Variants in NR5A2 observed in about 807,000 individuals in gnomAD.
The protein encoded by NR5A2 is nuclear receptor subfamily 5 group A member 2.
In NR5A2, 26 loss-of-function variants were observed where a neutral mutation model predicts 62.7. The observed-to-expected ratio is 0.41, with a 90% CI of 0.30 to 0.58. The LOEUF is 0.58. NR5A2 is among the 20% of genes least tolerant of loss of function. The probability of loss-of-function intolerance (pLI) is 0.22; values close to 1 mark genes in which losing one functional copy is unlikely to be tolerated. For synonymous variants in NR5A2, 246 were observed against 241.7 expected (o/e 1.02, Z -0.16); for missense variants, 541 against 669.1 (o/e 0.81, Z 2.11).
chr1:200,120,732 C>A, intron 6 of NR5A2, 76 bp from the exon 7 acceptor site: 2 of 1,407,952 alleles, frequency 1.4e-6, no homozygotes, highest in South Asian at 1.5e-5. Flanking sequence ...CTGATTTTAC[C>A]CATAGTTCTT....
In NR5A2 at chr1:200,048,114, T is replaced by G. The variant is rs1662458951; in HGVS notation, c.464-58T>G. ...ACATTTCTAAATATCTGAAGAATGCTAATAATTTGCACCTTATTTATACCT... is the reference window on the plus strand; with the variant it reads ...ACATTTCTAAATATCTGAAGAATGCGAATAATTTGCACCTTATTTATACCT... On this transcript the variant is annotated intron_variant, in intron 4 of 7. Coordinates refer to ENST00000367362, the MANE Select transcript of NR5A2 (RefSeq NM_205860.3). The surrounding 1 kb of genome is among the most constrained non-coding windows in gnomAD (Gnocchi z 4.8). 7.0e-7 allele frequency: 1 copy of G among 1,427,286 alleles called. No individual in the cohort carries two copies. Among genetic ancestry groups the G allele is most frequent in the Non-Finnish European group, 9.5e-7 (1 of 1,049,196 alleles). 88.4% of individuals were successfully genotyped at this position (1,427,286 alleles called of 1,614,324 possible). A position where few individuals can be genotyped will look rare whatever the true frequency, so the allele number is the denominator to read the frequency against.
intron 5 of NR5A2, among the ~76,000 whole-genome samples, chr1:200,092,999 T>C (rs952935745): frequency 7.5e-5 from 11 of 147,442 alleles, no homozygotes; most frequent in African/African-American, 2.7e-4. Context: ...TTCTCCTGCC[T>C]CAGCCTCCTG....
intron 5 of NR5A2, among the ~76,000 whole-genome samples, chr1:200,106,867 C>T (rs1478349257): frequency 6.6e-6 from 1 of 152,204 alleles, no homozygotes; most frequent in Non-Finnish European, 1.5e-5. Flanking sequence ...CATAGAGCTG[C>T]GTAAAAACTA....
chr1:200,066,367 T>G (rs2102206313), intron 5 of NR5A2, among the ~76,000 whole-genome samples: 1 of 150,258 alleles, frequency 6.7e-6, no homozygotes, highest in East Asian at 1.9e-4. Flanking sequence ...TAGGGGAAAA[T>G]CCTGCACATG....
intron 5 of NR5A2, 35 bp from the exon 6 acceptor site, chr1:200,111,166 GT>G (rs750188465): frequency 2.7e-5 from 43 of 1,590,910 alleles, no homozygotes; most frequent in Middle Eastern, 3.4e-4. Context: ...GTCATTTTTT[GT>G]TTTTTTTGTT....
Position 200,177,408 on chromosome 1 carries a change from C to A in NR5A2, c.*3198C>A, listed in dbSNP as rs951097549. 1 of 152,352 alleles carries A rather than the reference C, an allele frequency of 6.6e-6. No individual in the cohort carries two copies. The highest frequency in any genetic ancestry group is 1.5e-5 in the Non-Finnish European group (1 of 67,982). 9.4% of individuals were successfully genotyped at this position (152,352 alleles called of 1,614,324 possible). On this transcript the variant is annotated 3_prime_UTR_variant, in exon 8 of 8. Transcript: ENST00000367362. ...TTTCAATAAATATTGATATGCCCAG[C>A]CTGATAATTTTTAAAAGTTTTTATG...
At position 200,054,356 on chromosome 1, in the gene NR5A2, TCA is replaced by T. The variant is rs202205229; in HGVS notation, c.1110+5539_1110+5540del. ...GAGTCAAGAAGATTGGCTTTTTTTT[TCA>T]GTTATTTTTTTTTTCACCTGTGTCT... On this transcript the variant is annotated intron_variant, in intron 5 of 7. Coordinates refer to ENST00000367362, the MANE Select transcript of NR5A2 (RefSeq NM_205860.3). Among the ~76,000 whole-genome samples the T allele has an allele frequency of 5.0e-4, 74 of 149,202 alleles. 1 individual carries two copies. In the East Asian group the frequency reaches 0.013, roughly 27 times the overall value.
chr1:200,103,217 AG>A (rs771619726), intron 5 of NR5A2, among the ~76,000 whole-genome samples: 25 of 138,728 alleles, frequency 1.8e-4, no homozygotes, highest in Non-Finnish European at 3.2e-4. Flanking sequence ...TCTGCTTCCC[AG>A]GTTCAAGCAA....
rs760197431 is a variant in NR5A2 at position 200,050,894 on chromosome 1, A to AAAAT, written c.1110+2093_1110+2096dup. On this transcript the variant is annotated intron_variant, in intron 5 of 7. Transcript: ENST00000367362. ...GTGACAAGAGCGAAACTCCATCTCA[A>AAAAT]AAATAAATAAATAAATAAATTGATG... 7.9e-5 allele frequency among the ~76,000 whole-genome samples: 12 copies of AAAAT among 152,334 alleles called. No individual in the cohort carries two copies. In the South Asian group the frequency reaches 8.3e-4, roughly 11 times the overall value.
chr1:200,104,844 G>A (rs1397299666), intron 5 of NR5A2, among the ~76,000 whole-genome samples: 1 of 152,090 alleles, frequency 6.6e-6, no homozygotes, highest in African/African-American at 2.4e-5. Context: ...TGTATTTTTA[G>A]TAGAGATGGA....
chr1:200,065,952 T>C (rs1046111901), intron 5 of NR5A2, among the ~76,000 whole-genome samples: 3 of 152,064 alleles, frequency 2.0e-5, no homozygotes, highest in Admixed American at 2.0e-4. Flanking sequence ...GTGGGGGAAA[T>C]AGGGCTCTTG....
intron 5 of NR5A2, among the ~76,000 whole-genome samples, chr1:200,073,237 T>TAC (rs1663823488): frequency 2.4e-5 from 1 of 40,866 alleles, no homozygotes; most frequent in Admixed American, 2.8e-4. Flanking sequence ...TTTACATACA[T>TAC]ATATATATAT....
intron 5 of NR5A2, among the ~76,000 whole-genome samples, chr1:200,066,605 T>TTTTTTTTTTTTTTTTTTTTA (rs71132651): frequency 6.7e-6 from 1 of 148,500 alleles, no homozygotes; most frequent in African/African-American, 2.5e-5. Flanking sequence ...TTTTTTTTTT[T>TTTTTTTTTTTTTTTTTTTTA]GAGAGGGAGT....
chr1:200,096,170 C>A (rs1328323703), intron 5 of NR5A2, among the ~76,000 whole-genome samples: 2 of 152,128 alleles, frequency 1.3e-5, no homozygotes, highest in African/African-American at 4.8e-5. Context: ...TCATGGCAAC[C>A]TCTGCCTCTG....
intron 7 of NR5A2, among the ~76,000 whole-genome samples, chr1:200,163,341 AG>A (rs1212964756): frequency 1.3e-5 from 2 of 152,056 alleles, no homozygotes; most frequent in African/African-American, 2.4e-5. Flanking sequence ...TAAACAAAAA[AG>A]CTTATTCTCA....
chr1:200,063,986 TA>T (rs760209597), intron 5 of NR5A2, among the ~76,000 whole-genome samples: 8 of 152,014 alleles, frequency 5.3e-5, no homozygotes, highest in Non-Finnish European at 1.2e-4. Flanking sequence ...CCGTCTCTAC[TA>T]AAAATACAAA....
intron 7 of NR5A2, among the ~76,000 whole-genome samples, chr1:200,148,906 C>CTT (rs573219003): frequency 1.6e-3 from 195 of 125,224 alleles, no homozygotes; most frequent in Non-Finnish European, 2.0e-3. Flanking sequence ...GCATGCGGTA[C>CTT]TTTTTTTTTT....
At position 200,042,217 on chromosome 1, in the gene NR5A2, G is replaced by A. The variant is rs77013878; in HGVS notation, c.203-1557G>A. 5.7e-3 allele frequency among the ~76,000 whole-genome samples: 871 copies of A among 152,026 alleles called. 12 individuals are homozygous for A. Among genetic ancestry groups the A allele is most frequent in the African/African-American group, 0.02 (844 of 41,482 alleles). On this transcript the variant is annotated intron_variant, in intron 2 of 7. Coordinates refer to ENST00000367362, the MANE Select transcript of NR5A2 (RefSeq NM_205860.3). The stretch of plus-strand genomic sequence containing the variant: ...TCTCTGGAGCCTCTTTTCTCGGAAT[G>A]TTCCCAAACTCTGGCTAACTCACTC...
At chr1:200,050,689 G>A (rs1473640145) in intron 5 of NR5A2, among the ~76,000 whole-genome samples, 1 of 152,148 alleles carries the variant, frequency 6.6e-6, no homozygotes, top group Admixed American at 6.5e-5. Flanking sequence ...TCAGGAGTAC[G>A]AGACCAGCCT....
Sources: gnomAD v4.1 joint callset for allele counts (sites outside exome capture counted in the v4.1 genomes callset) on GRCh38, gnomAD v4.1.1 for gene constraint, Gnocchi (gnomAD v3.1) non-coding constraint, MANE v1.5 for transcripts, NCBI Gene and HGNC (gene_info 2026-07-23, HGNC 2026-07-21) for gene names.